PKHD1: variants seen among roughly 807,000 people sequenced by gnomAD.
PKHD1 encodes the protein PKHD1 ciliary IPT domain containing fibrocystin/polyductin.
PKHD1 carries 291 observed loss-of-function variants against 412.0 expected under a neutral mutation model. The ratio of observed to expected loss-of-function variants is 0.71; its 90% CI spans 0.64 to 0.78. PKHD1 has a LOEUF of 0.78. Ranked by LOEUF, PKHD1 falls within the 30% of genes least tolerant of loss-of-function variation. The pLI, the probability that PKHD1 is intolerant of heterozygous loss-of-function variation, is 0.00. For missense variants in PKHD1, 4,825 were observed against 4,950.7 expected, an observed-to-expected ratio of 0.97 and a Z score of 0.76; for synonymous variants, 1,777 against 1,821.5, an observed-to-expected ratio of 0.98 and a Z score of 0.62.
rs1274808322 is a variant in PKHD1, at chr6:51,807,452, A to ATATAT, written c.8303-16080_8303-16079insATATA. Among the ~76,000 whole-genome samples, 45 of 82,310 alleles carry ATATAT rather than the reference A, an allele frequency of 5.5e-4. 1 individual carries two copies. The highest frequency in any genetic ancestry group is 2.7e-3 in the African/African-American group (45 of 16,760). The allele number at this position is 82,310 out of a possible 152,430, so 54.0% of individuals were successfully genotyped here. A position where few individuals can be genotyped will look rare whatever the true frequency, so the allele number is the denominator to read the frequency against. On this transcript the variant is annotated intron_variant, in intron 52 of 66. Transcript: ENST00000371117. ...GACTCTGTCTCAAAAAAAAAAAAAA[A>ATATAT]AAAAAAATATATATATATATATATA...
chr6:51,978,741 T>C (rs1209139494), intron 35 of PKHD1, among the ~76,000 whole-genome samples: 2 of 152,196 alleles, frequency 1.3e-5, no homozygotes, highest in Non-Finnish European at 2.9e-5. Context: ...GTCCCAGGCA[T>C]ACGTCCTCTT....
intron 60 of PKHD1, among the ~76,000 whole-genome samples, chr6:51,692,316 T>TAA (rs1562111770): frequency 1.3e-5 from 2 of 151,560 alleles, no homozygotes; most frequent in African/African-American, 4.8e-5. Context: ...CATTTGGTGC[T>TAA]ATCACAAATG....
rs1462854587 is a variant in PKHD1 at position 51,938,555 on chromosome 6, T to C, written c.5909-4233A>G. 4.4e-5 allele frequency among the ~76,000 whole-genome samples: 6 copies of C among 135,424 alleles called. 1 individual carries two copies. The highest frequency in any genetic ancestry group is 9.3e-5 in the Non-Finnish European group (6 of 64,592). The allele number at this position is 135,424 out of a possible 152,430, so 88.8% of individuals were successfully genotyped here. On this transcript the variant is annotated intron_variant, in intron 36 of 66. Coordinates refer to ENST00000371117, the MANE Select transcript of PKHD1 (RefSeq NM_138694.4). ...TTTTCCTTTACCTCCCCAAATCTTATAAGATGGCCCCACTACTATCTCCCT... is the reference window on the plus strand; with the variant it reads ...TTTTCCTTTACCTCCCCAAATCTTACAAGATGGCCCCACTACTATCTCCCT...
At chr6:51,714,120 C>T (rs767496102) in intron 60 of PKHD1, among the ~76,000 whole-genome samples, 1 of 152,084 alleles carries the variant, frequency 6.6e-6, no homozygotes, top group African/African-American at 2.4e-5. Context: ...GCCTGTAATC[C>T]CAGCACTTTG....
chr6:51,679,187 C>A (rs1267424059), intron 60 of PKHD1, among the ~76,000 whole-genome samples: 2 of 152,040 alleles, frequency 1.3e-5, no homozygotes, highest in Non-Finnish European at 2.9e-5. Flanking sequence ...CTCATGACCC[C>A]ACACCATGAC....
chr6:51,764,470 T>G (rs1412811928), intron 55 of PKHD1, among the ~76,000 whole-genome samples: 1 of 146,508 alleles, frequency 6.8e-6, no homozygotes, highest in Non-Finnish European at 1.5e-5. Context: ...TTGGTGGGAC[T>G]GTAAACTAGT....
At chr6:51,969,088 A>T (rs1442979976) in intron 35 of PKHD1, among the ~76,000 whole-genome samples, 1 of 152,212 alleles carries the variant, frequency 6.6e-6, no homozygotes, top group Non-Finnish European at 1.5e-5. Flanking sequence ...GATGGCCTCT[A>T]CCTAATCAGG....
intron 52 of PKHD1, among the ~76,000 whole-genome samples, chr6:51,827,865 C>G (rs1562402502): frequency 6.6e-6 from 1 of 151,998 alleles, no homozygotes. Flanking sequence ...ATTTGAATTA[C>G]AACTACATCT....
In PKHD1 at chr6:52,044,985, G is replaced by A. The variant is rs1299721627; in HGVS notation, c.2696C>T (p.Thr899Ile). 3.7e-6 allele frequency: 6 copies of A among 1,613,518 alleles called. No homozygotes were observed. Among genetic ancestry groups the A allele is most frequent in the Non-Finnish European group, 5.1e-6 (6 of 1,179,482 alleles). ...LGPIFGDMLA[T>I]ANQHTQVVVR... ...TCTCACCTGAGTATGCTGGTTGGCA[G>A]TAGCCAACATGTCTCCAAATATGGG... Residue 899 changes from threonine to isoleucine, a missense_variant, in exon 25 of 67, where the codon ACT becomes ATT. Physicochemically the swap from Thr to Ile is moderately conservative, Grantham distance 89 (BLOSUM62 -1). Transcript: ENST00000371117.
At chr6:51,868,494 A>G (rs1207593398) in intron 47 of PKHD1, among the ~76,000 whole-genome samples, 1 of 152,046 alleles carries the variant, frequency 6.6e-6, no homozygotes, top group Non-Finnish European at 1.5e-5. Context: ...GAAACCAGAG[A>G]TGCTGCTAAA....
At chr6:52,069,369 C>A in intron 11 of PKHD1, 88 bp downstream of exon 11, 1 of 929,392 alleles carries the variant, frequency 1.1e-6, no homozygotes, top group South Asian at 1.3e-5. Flanking sequence ...TGTTAATGGT[C>A]ATCAAGAAAT....
At chr6:51,724,005 C>G (rs979869270) in intron 60 of PKHD1, among the ~76,000 whole-genome samples, 2 of 152,138 alleles carry the variant, frequency 1.3e-5, no homozygotes, top group African/African-American at 4.8e-5. Context: ...AAACCTTCTT[C>G]CAAAAGAAAT....
intron 60 of PKHD1, among the ~76,000 whole-genome samples, chr6:51,734,187 A>C (rs1307146465): frequency 6.6e-6 from 1 of 152,222 alleles, no homozygotes; most frequent in Non-Finnish European, 1.5e-5. Flanking sequence ...TTAAAAATTT[A>C]ATTGCAGAAC....
At chr6:51,828,187 T>C (rs1767651037) in intron 52 of PKHD1, among the ~76,000 whole-genome samples, 1 of 152,022 alleles carries the variant, frequency 6.6e-6, no homozygotes, top group African/African-American at 2.4e-5. Context: ...TGATGGTAAG[T>C]TTTTTTGAAA....
At chr6:52,020,603 C>T (rs1339724912) in intron 33 of PKHD1, among the ~76,000 whole-genome samples, 1 of 152,136 alleles carries the variant, frequency 6.6e-6, no homozygotes, top group Non-Finnish European at 1.5e-5. Context: ...TCCAGAACTG[C>T]TGCCATAGAG....
At chr6:52,013,268 C>T (rs990262237) in intron 34 of PKHD1, among the ~76,000 whole-genome samples, 13 of 152,178 alleles carry the variant, frequency 8.5e-5, no homozygotes, top group Admixed American at 7.9e-4. Context: ...CCTCTGTTTG[C>T]CTGTTAGGAA....
At chr6:51,702,251 T>C (rs576335085) in intron 60 of PKHD1, among the ~76,000 whole-genome samples, 2 of 149,398 alleles carry the variant, frequency 1.3e-5, no homozygotes, top group African/African-American at 4.9e-5. Context: ...TACTCAGCCA[T>C]ACAAAGGAAT....
Position 51,830,899 on chromosome 6 carries a change from GTAT to G in PKHD1, c.8261_8263del (p.Asn2754del). On this transcript the variant is annotated inframe_deletion, in exon 52 of 67. Transcript: ENST00000371117. The stretch of plus-strand genomic sequence containing the variant: ...AACGTCATCCCCAGGGCCTGGAATG[GTAT>G]TGTTGTATCCTCCCCAGCCTTCTTC... 6.2e-7 allele frequency: 1 copy of G among 1,612,676 alleles called. No homozygotes were observed. The highest frequency in any genetic ancestry group is 8.5e-7 in the Non-Finnish European group (1 of 1,178,924).
intron 52 of PKHD1, among the ~76,000 whole-genome samples, chr6:51,816,589 G>C (rs918376512): frequency 6.6e-5 from 10 of 152,176 alleles, no homozygotes; most frequent in Admixed American, 2.6e-4. Flanking sequence ...ATAGTTAATT[G>C]TAACCTAACT....
Sources: allele counts gnomAD v4.1 joint callset (sites outside exome capture counted in the v4.1 genomes callset), GRCh38; gene constraint gnomAD v4.1.1; transcripts MANE v1.5; gene names NCBI Gene and HGNC (gene_info 2026-07-23, HGNC 2026-07-21).